The following STOX2 variants were observed in gnomAD, a reference collection of about 807,000 sequenced individuals.
STOX2 encodes storkhead box 2.
In STOX2, 28 loss-of-function variants were observed where a neutral mutation model predicts 60.9. That is an observed-to-expected ratio of 0.46 (90% confidence interval 0.34 to 0.63). The LOEUF (loss-of-function observed/expected upper bound fraction) is 0.63, where lower values mean the gene tolerates loss of function less well. Ranked by LOEUF, STOX2 falls within the 30% of genes least tolerant of loss-of-function variation. The pLI is 0.01. For missense variants in STOX2, 1,024 were observed against 1,187.7 expected, an observed-to-expected ratio of 0.86 and a Z score of 2.03; for synonymous variants, 472 against 463.9, an observed-to-expected ratio of 1.02 and a Z score of -0.22.
At chr4:183,844,898 T>C (rs1386848894) in intron 1 of STOX2, among the ~76,000 whole-genome samples, 3 of 152,212 alleles carry the variant, frequency 2.0e-5, no homozygotes, top group African/African-American at 7.2e-5. Flanking sequence ...ATTTCACATG[T>C]GCACAGTGCT....
At chr4:183,879,918 G>A (rs1194862753) in intron 1 of STOX2, among the ~76,000 whole-genome samples, 3 of 152,134 alleles carry the variant, frequency 2.0e-5, no homozygotes, top group African/African-American at 4.8e-5. Context: ...CAGAGACCTA[G>A]GGCCTAGTCC....
intron 1 of STOX2, among the ~76,000 whole-genome samples, chr4:183,993,077 G>A (rs1387725215): frequency 6.6e-6 from 1 of 152,232 alleles, no homozygotes; most frequent in Non-Finnish European, 1.5e-5. Flanking sequence ...ATCACCTCTG[G>A]CGGTGGGGAA....
intron 1 of STOX2, among the ~76,000 whole-genome samples, chr4:183,925,671 A>C (rs902738988): frequency 6.6e-6 from 1 of 152,242 alleles, no homozygotes; most frequent in African/African-American, 2.4e-5. Context: ...AATGTAATAC[A>C]TATAACTAGG....
rs1042371620 is a variant in STOX2 at position 183,825,904 on chromosome 4, C to T, written c.364+27849C>T. On this transcript the variant is annotated intron_variant, in intron 1 of 2. Transcript: ENST00000513034. This position sits in a 1 kb window ranked among gnomAD's most constrained non-coding sequence, Gnocchi z 4.1. ...AGTTTGGCAAATGATGGGGAGAAGG[C>T]GCGAGAAGGGTCGTTGGCTGTGAGC... 1.3e-5 allele frequency among the ~76,000 whole-genome samples: 2 copies of T among 152,254 alleles called. No individual in the cohort carries two copies. Among genetic ancestry groups the T allele is most frequent in the Admixed American group, 6.5e-5 (1 of 15,300 alleles).
intron 1 of STOX2, among the ~76,000 whole-genome samples, chr4:183,910,327 TG>T (rs372281565): frequency 4.5e-4 from 69 of 152,346 alleles, no homozygotes; most frequent in African/African-American, 1.6e-3. Context: ...GGAGCAAATC[TG>T]TATAATGAAC....
At position 184,017,207 on chromosome 4, in the gene STOX2, G is replaced by A. The variant is rs186890726; in HGVS notation, c.2704G>A (p.Ala902Thr). Residue 902 changes from alanine to threonine, a missense_variant, in exon 4 of 4, where the codon GCG (alanine) becomes ACG (threonine). Around this residue, in one of 3 missense-constraint regions of STOX2, gnomAD observed 922 missense variants for 1,058.3 expected, o/e 0.87. Coordinates refer to ENST00000308497, the MANE Select transcript of STOX2 (RefSeq NM_020225.3). ...AGPAFNFRAS[A>T]EPPTNEAEKL... ...TCCAGCCTTCAACTTCCGAGCGAGC[G>A]CGGAGCCCCCGACAAATGAAGCTGA... 4.2e-5 allele frequency: 67 copies of A among 1,612,148 alleles called. No individual in the cohort carries two copies. The highest frequency in any genetic ancestry group is 5.0e-5 in the Non-Finnish European group (59 of 1,179,092).
intron 1 of STOX2, among the ~76,000 whole-genome samples, chr4:183,948,232 A>C (rs1055145214): frequency 1.3e-5 from 2 of 150,554 alleles, no homozygotes; most frequent in African/African-American, 4.9e-5. Flanking sequence ...AAAAAAAAAA[A>C]AAAAAAAAAA....
chr4:184,007,753 C>G (rs1021247810), intron 2 of STOX2, among the ~76,000 whole-genome samples: 1 of 152,202 alleles, frequency 6.6e-6, no homozygotes, highest in Non-Finnish European at 1.5e-5. Context: ...CCTCGGCTTA[C>G]GGATGGCCAC....
At chr4:183,931,339 G>T (rs944998640) in intron 1 of STOX2, among the ~76,000 whole-genome samples, 2 of 152,022 alleles carry the variant, frequency 1.3e-5, no homozygotes, top group African/African-American at 4.8e-5. Context: ...CGGGAGAATC[G>T]CTTGAACCCA....
chr4:183,960,017 C>CA (rs1225398218), intron 1 of STOX2, among the ~76,000 whole-genome samples: 1 of 152,118 alleles, frequency 6.6e-6, no homozygotes, highest in Non-Finnish European at 1.5e-5. Flanking sequence ...ATCCAACATG[C>CA]AAAACATAGT....
At chr4:183,804,612 C>T (rs563974414) in intron 1 of STOX2, among the ~76,000 whole-genome samples, 29 of 152,284 alleles carry the variant, frequency 1.9e-4, no homozygotes, top group Non-Finnish European at 3.4e-4. Context: ...GTTTAAGAAG[C>T]GGGCCTGGCT....
intron 1 of STOX2, among the ~76,000 whole-genome samples, chr4:183,956,135 G>GAGT (rs1743241195): frequency 6.6e-6 from 1 of 152,218 alleles, no homozygotes; most frequent in African/African-American, 2.4e-5. Flanking sequence ...GAATAGGACT[G>GAGT]AGTGTCTAAA....
intron 1 of STOX2, among the ~76,000 whole-genome samples, chr4:183,929,466 G>C (rs1347464343): frequency 6.6e-6 from 1 of 152,156 alleles, no homozygotes; most frequent in Non-Finnish European, 1.5e-5. Context: ...TTGGGTCATT[G>C]CCATACCTGA....
intron 1 of STOX2, among the ~76,000 whole-genome samples, chr4:183,942,958 T>C (rs2111131797): frequency 6.6e-6 from 1 of 152,336 alleles, no homozygotes; most frequent in East Asian, 1.9e-4. Context: ...TTGCTGGGGC[T>C]TTGAATTCCA....
At chr4:183,968,515 C>T (rs1743646252) in intron 1 of STOX2, among the ~76,000 whole-genome samples, 1 of 152,132 alleles carries the variant, frequency 6.6e-6, no homozygotes, top group African/African-American at 2.4e-5. Flanking sequence ...CAAACACAGA[C>T]CTACAGAATC....
intron 1 of STOX2, among the ~76,000 whole-genome samples, chr4:183,952,488 T>C (rs1274251075): frequency 6.6e-6 from 1 of 152,252 alleles, no homozygotes. Context: ...GAGTTTCCTA[T>C]TAAATAATAT....
chr4:183,825,459 G>T lies in STOX2; in HGVS notation c.364+27404G>T, dbSNP rs145019898. Among the ~76,000 whole-genome samples the T allele has an allele frequency of 1.8e-4, 28 of 152,170 alleles. No homozygotes were observed. The highest frequency in any genetic ancestry group is 6.3e-4 in the African/African-American group (26 of 41,434). On this transcript the variant is annotated intron_variant, in intron 1 of 2. Coordinates refer to the STOX2 transcript ENST00000513034. The surrounding 1 kb of genome is among the most constrained non-coding windows in gnomAD (Gnocchi z 4.1). Reference sequence around the variant, plus strand: ...TGTCATCTCCTAGCATCCCTGGACCGCAAAACAGGCTTGCACTGGGTGGCA... The same window carrying T: ...TGTCATCTCCTAGCATCCCTGGACCTCAAAACAGGCTTGCACTGGGTGGCA...
At chr4:183,852,037 GGATGAGAGAAAC>G (rs796899990) in intron 1 of STOX2, among the ~76,000 whole-genome samples, 3 of 83,178 alleles carry the variant, frequency 3.6e-5, no homozygotes, top group Non-Finnish European at 2.3e-5. Context: ...ATGAGGGAAA[GGATGAGAGAAAC>G]GATGAGGGAA....
At chr4:183,911,726 A>G (rs1003616571) in intron 1 of STOX2, among the ~76,000 whole-genome samples, 1 of 152,218 alleles carries the variant, frequency 6.6e-6, no homozygotes, top group Non-Finnish European at 1.5e-5. Context: ...AATTCAGACA[A>G]TGGTATACTC....
Sources: gnomAD v4.1 joint callset for allele counts (sites outside exome capture counted in the v4.1 genomes callset) on GRCh38, gnomAD v4.1.1 for gene constraint, gnomAD v4.1.1 regional missense constraint, Gnocchi (gnomAD v3.1) non-coding constraint, MANE v1.5 for transcripts, NCBI Gene and HGNC (gene_info 2026-07-23, HGNC 2026-07-21) for gene names.